POU6F2: variants seen among roughly 807,000 people sequenced by gnomAD.
POU6F2 encodes POU domain, class 6, transcription factor 2.
In POU6F2, 31 loss-of-function variants were observed where a neutral mutation model predicts 71.3. The observed-to-expected ratio is 0.43, with a 90% confidence interval of 0.33 to 0.59. The LOEUF (loss-of-function observed/expected upper bound fraction) is 0.59, where lower values mean the gene tolerates loss of function less well. POU6F2 is among the 20% of genes least tolerant of loss of function. POU6F2 has a pLI of 0.04. For missense variants in POU6F2, 783 were observed against 856.8 expected (o/e 0.91, Z 1.07); for synonymous variants, 347 against 355.7 (o/e 0.98, Z 0.27).
chr7:39,106,005 C>G (rs1384769445), intron 2 of POU6F2, among the ~76,000 whole-genome samples: 1 of 152,106 alleles, frequency 6.6e-6, no homozygotes, highest in Non-Finnish European at 1.5e-5. Context: ...CTCTGTAGAT[C>G]ATGGTGTGTG....
intron 1 of POU6F2, among the ~76,000 whole-genome samples, chr7:39,023,536 C>A (rs1789727445): frequency 6.6e-6 from 1 of 152,014 alleles, no homozygotes; most frequent in Non-Finnish European, 1.5e-5. Context: ...ATGTACAGGA[C>A]AGTCTCCCTA....
At chr7:39,056,612 CAGA>C (rs1261720000) in intron 1 of POU6F2, among the ~76,000 whole-genome samples, 1 of 151,654 alleles carries the variant, frequency 6.6e-6, no homozygotes, top group African/African-American at 2.4e-5. Context: ...TAGAACTCAA[CAGA>C]AGCTCTCTCC....
chr7:39,264,505 G>C (rs917232062), intron 4 of POU6F2, among the ~76,000 whole-genome samples: 3 of 152,126 alleles, frequency 2.0e-5, no homozygotes, highest in African/African-American at 7.2e-5. Flanking sequence ...GAGAGTCCCA[G>C]CTGGTGTCTA....
intron 8 of POU6F2, among the ~76,000 whole-genome samples, chr7:39,459,629 C>T (rs981604007): frequency 6.6e-6 from 1 of 152,164 alleles, no homozygotes. Flanking sequence ...AACTTTTCAC[C>T]TAAGTCCGAG....
intron 4 of POU6F2, among the ~76,000 whole-genome samples, chr7:39,332,276 C>T (rs775415287): frequency 2.0e-4 from 30 of 152,166 alleles, no homozygotes; most frequent in Non-Finnish European, 4.0e-4. Context: ...TTTCCCCTTA[C>T]AGCCTCTGCC....
chr7:39,026,999 C>T (rs1584506841), intron 1 of POU6F2, among the ~76,000 whole-genome samples: 1 of 152,040 alleles, frequency 6.6e-6, no homozygotes, highest in Non-Finnish European at 1.5e-5. Context: ...CTGGTTTTCC[C>T]TCTATTTTTA....
chr7:38,997,337 C>T (rs1315348269), intron 1 of POU6F2, among the ~76,000 whole-genome samples: 1 of 152,284 alleles, frequency 6.6e-6, no homozygotes, highest in East Asian at 1.9e-4. Context: ...TTGAACTAGA[C>T]TACTCACTTT....
In POU6F2 at chr7:39,329,889, C is replaced by T. The variant is rs563988699; in HGVS notation, c.599-9753C>T. Among the ~76,000 whole-genome samples, 12 of 152,258 alleles carry T rather than the reference C, an allele frequency of 7.9e-5. No homozygotes were observed. The South Asian group carries it at 2.3e-3, about 29-fold the overall frequency. On this transcript the variant is annotated intron_variant, in intron 4 of 9. Transcript: ENST00000518318. ...TTGAGAAAACCAATGAAGAAATTAA[C>T]GTCAAATACTTAAAACAGTGCCTAA...
chr7:39,246,019 A>G (rs942862406), intron 4 of POU6F2, among the ~76,000 whole-genome samples: 1 of 152,230 alleles, frequency 6.6e-6, no homozygotes, highest in Non-Finnish European at 1.5e-5. Flanking sequence ...AGGGAGCCAT[A>G]TATCAGGAAG....
chr7:39,152,459 C>T (rs9639812), intron 2 of POU6F2, among the ~76,000 whole-genome samples: 39,069 of 152,066 alleles, frequency 0.26, 5,570 homozygotes, highest in East Asian at 0.56. Context: ...TCTCCTCCCT[C>T]GTCCCTGTAT....
At chr7:39,196,837 A>G (rs1384591711) in intron 2 of POU6F2, among the ~76,000 whole-genome samples, 4 of 152,166 alleles carry the variant, frequency 2.6e-5, no homozygotes, top group African/African-American at 4.8e-5. Context: ...TGCAGGGACA[A>G]TTTTCAAAAT....
intron 2 of POU6F2, among the ~76,000 whole-genome samples, chr7:39,088,690 C>CT (rs1791305025): frequency 6.6e-6 from 1 of 152,140 alleles, no homozygotes; most frequent in African/African-American, 2.4e-5. Flanking sequence ...TCATGTGCAT[C>CT]TTGATATGTT....
Position 39,466,018 on chromosome 7 carries a change from C to T in POU6F2, c.*1332C>T, listed in dbSNP as rs1440415461. ...TGATAGCAACTGGATCATTAAAGGC[C>T]ATCGTGTATCCTGTTAATCTCATCT... On this transcript the variant is annotated 3_prime_UTR_variant, in exon 10 of 10. Coordinates refer to ENST00000518318, the MANE Select transcript of POU6F2 (RefSeq NM_001370959.1). 6.6e-6 allele frequency: 1 copy of T among 152,180 alleles called. No individual in the cohort carries two copies. Among genetic ancestry groups the T allele is most frequent in the Non-Finnish European group, 1.5e-5 (1 of 68,042 alleles). The allele number at this position is 152,180 out of a possible 1,614,324, so 9.4% of individuals were successfully genotyped here.
chr7:39,409,307 T>C (rs1435500780), intron 6 of POU6F2, among the ~76,000 whole-genome samples: 1 of 152,228 alleles, frequency 6.6e-6, no homozygotes, highest in Non-Finnish European at 1.5e-5. Flanking sequence ...AAGCATGTTT[T>C]ACTCTACTGA....
At chr7:39,147,566 C>T (rs929540293) in intron 2 of POU6F2, among the ~76,000 whole-genome samples, 2 of 152,156 alleles carry the variant, frequency 1.3e-5, no homozygotes, top group African/African-American at 4.8e-5. Flanking sequence ...GAGAAAGTCC[C>T]AGGCCAGGGT....
intron 8 of POU6F2, among the ~76,000 whole-genome samples, chr7:39,453,525 A>C (rs1788709833): frequency 6.6e-6 from 1 of 152,240 alleles, no homozygotes; most frequent in Non-Finnish European, 1.5e-5. Context: ...CCTCCTACTA[A>C]TACAGTGTTT....
intron 5 of POU6F2, among the ~76,000 whole-genome samples, chr7:39,381,560 A>C (rs1786829938): frequency 6.6e-6 from 1 of 152,038 alleles, no homozygotes; most frequent in Non-Finnish European, 1.5e-5. Flanking sequence ...TTCCATTTTT[A>C]AAAACTTCTT....
chr7:39,168,047 A>G (rs576782658), intron 2 of POU6F2, among the ~76,000 whole-genome samples: 3 of 152,220 alleles, frequency 2.0e-5, no homozygotes, highest in Non-Finnish European at 4.4e-5. Flanking sequence ...TGTGTCTGGC[A>G]TATCTAAGAA....
At chr7:39,170,491 A>G (rs1327532508) in intron 2 of POU6F2, among the ~76,000 whole-genome samples, 1 of 152,168 alleles carries the variant, frequency 6.6e-6, no homozygotes, top group African/African-American at 2.4e-5. Flanking sequence ...ATAACCATGC[A>G]GTATTGCAAT....
Sources: allele counts gnomAD v4.1 joint callset (sites outside exome capture counted in the v4.1 genomes callset), GRCh38; gene constraint gnomAD v4.1.1; transcripts MANE v1.5; gene names NCBI Gene and HGNC (gene_info 2026-07-23, HGNC 2026-07-21).